The following UBE2E2 variants were observed in gnomAD, a reference collection of about 807,000 sequenced individuals.
UBE2E2 encodes the protein ubiquitin-conjugating enzyme E2 E2.
In UBE2E2, 6 loss-of-function variants were observed where a neutral mutation model predicts 24.7. The ratio of observed to expected loss-of-function variants is 0.24; its 90% CI spans 0.13 to 0.48. UBE2E2 has a LOEUF of 0.48. UBE2E2 is among the 20% of genes least tolerant of loss of function. UBE2E2 has a pLI of 0.99. For missense variants in UBE2E2, 169 were observed against 245.0 expected (o/e 0.69, Z 2.07); for synonymous variants, 104 against 83.6 (o/e 1.24, Z -1.33).
At chr3:23,443,441 T>C (rs1698350102) in intron 3 of UBE2E2, among the ~76,000 whole-genome samples, 1 of 152,222 alleles carries the variant, frequency 6.6e-6, no homozygotes, top group Non-Finnish European at 1.5e-5. Context: ...TGTAGGTTCG[T>C]TCCTGAAAAC....
intron 3 of UBE2E2, among the ~76,000 whole-genome samples, chr3:23,354,287 G>A (rs1695864278): frequency 1.3e-5 from 2 of 152,060 alleles, no homozygotes; most frequent in Non-Finnish European, 2.9e-5. Flanking sequence ...AAAAACCCTA[G>A]AAGAAAACCT....
chr3:23,452,624 G>A (rs971670510), intron 3 of UBE2E2, among the ~76,000 whole-genome samples: 1 of 152,220 alleles, frequency 6.6e-6, no homozygotes, highest in South Asian at 2.1e-4. Context: ...ATTAGGCTAG[G>A]TGATAACTGT....
intron 5 of UBE2E2, among the ~76,000 whole-genome samples, chr3:23,552,663 C>T (rs1695672253): frequency 6.6e-6 from 1 of 152,206 alleles, no homozygotes; most frequent in Admixed American, 6.5e-5. Context: ...AGCTTCTTTA[C>T]AAATTGTACT....
At chr3:23,311,107 G>T (rs1332157482) in intron 3 of UBE2E2, among the ~76,000 whole-genome samples, 1 of 152,158 alleles carries the variant, frequency 6.6e-6, no homozygotes, top group Non-Finnish European at 1.5e-5. Context: ...AACATGCGGT[G>T]TTTGGTTTTT....
intron 3 of UBE2E2, among the ~76,000 whole-genome samples, chr3:23,456,948 G>A (rs753367096): frequency 6.6e-6 from 1 of 152,208 alleles, no homozygotes; most frequent in South Asian, 2.1e-4. Flanking sequence ...CACACAATGG[G>A]TGGGTTTGAT....
At position 23,203,426 on chromosome 3, in the gene UBE2E2, G is replaced by C; in HGVS notation, c.-47G>C. On this transcript the variant is annotated 5_prime_UTR_variant, in exon 1 of 6. Coordinates refer to ENST00000396703, the MANE Select transcript of UBE2E2 (RefSeq NM_152653.4). ...CTGGGCAGCTCTCTCCCAGGGCTTC[G>C]GCTCGAGCCTGCGACCTGCACGGAC... 1.0e-6 allele frequency: 1 copy of C among 982,276 alleles called. No individual in the cohort carries two copies. The highest frequency in any genetic ancestry group is 1.2e-6 in the Non-Finnish European group (1 of 829,178). 60.8% of individuals were successfully genotyped at this position (982,276 alleles called of 1,614,324 possible).
chr3:23,339,992 A>T (rs1471291501), intron 3 of UBE2E2, among the ~76,000 whole-genome samples: 1 of 152,096 alleles, frequency 6.6e-6, no homozygotes, highest in Non-Finnish European at 1.5e-5. Context: ...AAAGTCTTTA[A>T]ATATTTGGAT....
chr3:23,264,657 C>G (rs950121389), intron 3 of UBE2E2, among the ~76,000 whole-genome samples: 1 of 152,184 alleles, frequency 6.6e-6, no homozygotes, highest in Admixed American at 6.5e-5. Context: ...TGGTATGATT[C>G]ATACATAAAA....
intron 3 of UBE2E2, among the ~76,000 whole-genome samples, chr3:23,311,579 T>C (rs1251309045): frequency 6.6e-6 from 1 of 152,158 alleles, no homozygotes; most frequent in Non-Finnish European, 1.5e-5. Context: ...CCTTGGTCAG[T>C]TGCTTACATT....
At position 23,385,484 on chromosome 3, in the gene UBE2E2, G is replaced by A. The variant is rs372724877; in HGVS notation, c.228-114124G>A. Among the ~76,000 whole-genome samples, 46 of 152,242 alleles carry A rather than the reference G, an allele frequency of 3.0e-4. 2 individuals carry two copies. The South Asian group carries it at 8.7e-3, about 29-fold the overall frequency. ...TTTCAATAGTGTCATATAGCATCCC[G>A]CATGGTTTCAAGGATGGTAAATTGG... On this transcript the variant is annotated intron_variant, in intron 3 of 5. Coordinates refer to ENST00000396703, the MANE Select transcript of UBE2E2 (RefSeq NM_152653.4).
intron 3 of UBE2E2, among the ~76,000 whole-genome samples, chr3:23,472,245 G>C (rs1699046071): frequency 6.6e-6 from 1 of 152,174 alleles, no homozygotes; most frequent in African/African-American, 2.4e-5. Context: ...CTTACCTTCA[G>C]TTACAGCTCC....
chr3:23,475,659 A>G (rs1699115252), intron 3 of UBE2E2, among the ~76,000 whole-genome samples: 1 of 152,038 alleles, frequency 6.6e-6, no homozygotes, highest in Non-Finnish European at 1.5e-5. Context: ...AGGAAATGGT[A>G]ATTTATTTGG....
chr3:23,416,410 C>G (rs978478368), intron 3 of UBE2E2, among the ~76,000 whole-genome samples: 15 of 152,098 alleles, frequency 9.9e-5, no homozygotes, highest in Non-Finnish European at 2.2e-4. Context: ...GGGTTTCTGC[C>G]AAGAGATCTG....
At chr3:23,223,013 T>TTCTCC (rs1696698587) in intron 3 of UBE2E2, among the ~76,000 whole-genome samples, 1 of 121,082 alleles carries the variant, frequency 8.3e-6, no homozygotes, top group African/African-American at 3.4e-5. Context: ...TTACATCTTT[T>TTCTCC]GCCCCCCCCC....
intron 3 of UBE2E2, among the ~76,000 whole-genome samples, chr3:23,310,413 A>C (rs1694343990): frequency 6.6e-6 from 1 of 151,968 alleles, no homozygotes; most frequent in Non-Finnish European, 1.5e-5. Context: ...CACATCTCCA[A>C]ACCTTCTAAT....
intron 3 of UBE2E2, among the ~76,000 whole-genome samples, chr3:23,492,991 T>G (rs1305875820): frequency 6.6e-6 from 1 of 152,164 alleles, no homozygotes; most frequent in East Asian, 1.9e-4. Context: ...AAATTACTAA[T>G]GAGATATTTT....
intron 3 of UBE2E2, among the ~76,000 whole-genome samples, chr3:23,274,434 C>T (rs537380598): frequency 2.5e-4 from 38 of 152,174 alleles, no homozygotes; most frequent in African/African-American, 8.4e-4. Context: ...GGCAAGGTCA[C>T]GGTTCACTGC....
chr3:23,573,783 A>AT (rs1235558227), intron 5 of UBE2E2, among the ~76,000 whole-genome samples: 1 of 152,148 alleles, frequency 6.6e-6, no homozygotes, highest in African/African-American at 2.4e-5. Flanking sequence ...AAAAGCGTGG[A>AT]TTTTGTGGGC....
At chr3:23,477,462 T>G (rs1177688642) in intron 3 of UBE2E2, among the ~76,000 whole-genome samples, 3 of 152,244 alleles carry the variant, frequency 2.0e-5, no homozygotes, top group African/African-American at 4.8e-5. Flanking sequence ...ACATGTATAC[T>G]TGTTTATTTG....
Sources: gnomAD v4.1 joint callset for allele counts (sites outside exome capture counted in the v4.1 genomes callset) on GRCh38, gnomAD v4.1.1 for gene constraint, MANE v1.5 for transcripts, NCBI Gene and HGNC (gene_info 2026-07-23, HGNC 2026-07-21) for gene names.